Variants in LRIG3 observed in about 807,000 individuals in gnomAD.
LRIG3 encodes leucine rich repeats and immunoglobulin like domains 3, also known as leucine-rich repeats and immunoglobulin-like domains protein 3.
Under a neutral mutation model 114.5 loss-of-function variants are expected in LRIG3, and 76 were observed. The ratio of observed to expected loss-of-function variants is 0.66; its 90% CI spans 0.55 to 0.80. LRIG3 has a LOEUF of 0.80. Among genes scored for constraint, LRIG3 ranks in the 30% least tolerant of loss-of-function variants. The pLI is 0.00. For synonymous variants in LRIG3, 512 were observed against 519.8 expected, an observed-to-expected ratio of 0.98 and a Z score of 0.20; for missense variants, 1,239 against 1,382.8, an observed-to-expected ratio of 0.90 and a Z score of 1.65.
In LRIG3 at chr12:58,872,456, G is replaced by C. The variant is rs569806057; in HGVS notation, c.*116C>G. Reference sequence around the variant, plus strand: ...ATTTTGGTTCATCTGTATAAATAAAGCATTTTTATCCTTTTAAAATTCATA... The same window carrying C: ...ATTTTGGTTCATCTGTATAAATAAACCATTTTTATCCTTTTAAAATTCATA... On this transcript the variant is annotated 3_prime_UTR_variant, in exon 19 of 19. Transcript: ENST00000320743. 3.3e-6 allele frequency: 4 copies of C among 1,207,350 alleles called. No homozygotes were observed. The highest frequency in any genetic ancestry group is 4.4e-6 in the Non-Finnish European group (4 of 917,250). The allele number at this position is 1,207,350 out of a possible 1,614,324, so 74.8% of individuals were successfully genotyped here. A position where few individuals can be genotyped will look rare whatever the true frequency, so the allele number is the denominator to read the frequency against.
At chr12:58,889,708 T>G (rs1362404724) in intron 5 of LRIG3, among the ~76,000 whole-genome samples, 1 of 152,040 alleles carries the variant, frequency 6.6e-6, no homozygotes, top group Non-Finnish European at 1.5e-5. Context: ...GACCTCGGAT[T>G]TTTTCAGTGC....
chr12:58,887,808 G>A lies in LRIG3; in HGVS notation c.1072C>T (p.Leu358Phe). ...SYIADCAFRG[L>F]SSLKTLDLKN... ...ACTTACAAAGTCTTTAAACTGGAAA[G>A]CCCCCGGAAGGCACAATCAGCAATG... Residue 358 changes from leucine to phenylalanine, a missense_variant, in exon 8 of 19, where the codon CTT becomes TTT. Transcript: ENST00000320743. The A allele has an allele frequency of 6.2e-7, 1 of 1,613,578 alleles. No individual in the cohort carries two copies. The highest frequency in any genetic ancestry group is 1.1e-5 in the South Asian group (1 of 91,024).
chr12:58,905,601 T>C (rs768759706), intron 3 of LRIG3, among the ~76,000 whole-genome samples: 2 of 152,232 alleles, frequency 1.3e-5, no homozygotes, highest in African/African-American at 2.4e-5. Context: ...GTCGTACCGA[T>C]AGGCCCTTTA....
intron 3 of LRIG3, among the ~76,000 whole-genome samples, chr12:58,897,571 C>A (rs1472308101): frequency 1.3e-5 from 2 of 152,012 alleles, no homozygotes; most frequent in African/African-American, 4.8e-5. Flanking sequence ...ATTGCAAGAC[C>A]CTGTCTCTTA....
In LRIG3 at chr12:58,890,002, T is replaced by C. The variant is rs1871399294; in HGVS notation, c.653A>G (p.Gln218Arg). 1.2e-6 allele frequency: 2 copies of C among 1,613,264 alleles called. No homozygotes were observed. The highest frequency in any genetic ancestry group is 1.7e-6 in the Non-Finnish European group (2 of 1,179,596). Residue 218 changes from glutamine to arginine, a missense_variant, in exon 5 of 19, where the codon CAA becomes CGA. Gln to Arg is a conservative substitution (Grantham distance 43). Transcript: ENST00000320743. ...AAGAGGACATTTTACTTACAGATGTTGCAGTTGGGGCAGTTTAAACATCTT... is the reference window on the plus strand; with the variant it reads ...AAGAGGACATTTTACTTACAGATGTCGCAGTTGGGGCAGTTTAAACATCTT... ...PPKMFKLPQL[Q>R]HLELNRNKIK...
At chr12:58,911,537 CA>C (rs989521700) in intron 3 of LRIG3, among the ~76,000 whole-genome samples, 23 of 152,198 alleles carry the variant, frequency 1.5e-4, no homozygotes, top group Admixed American at 1.2e-3. Flanking sequence ...AAGATACAAA[CA>C]AAAAACAACC....
chr12:58,874,232 A>T lies in LRIG3; in HGVS notation c.2938T>A (p.Ser980Thr). 2 of 1,614,212 alleles carry T rather than the reference A, an allele frequency of 1.2e-6. No homozygotes were observed. The highest frequency in any genetic ancestry group is 2.2e-5 in the South Asian group (2 of 91,088). The change falls in exon 18 of 19, where the codon TCC (serine) becomes ACC (threonine). Residue 980 changes from serine to threonine, a missense_variant. Ser to Thr is a moderately conservative substitution (Grantham distance 58). Transcript: ENST00000320743. The part of the protein sequence containing the change: ...CYPCSHPSEE[S>T]CERSFSNISW... Reference sequence around the variant, plus strand: ...ATATTACTGAAGCTCCGTTCGCAGGATTCTTCTGAAGGATGAGAACATGGG... The same window carrying T: ...ATATTACTGAAGCTCCGTTCGCAGGTTTCTTCTGAAGGATGAGAACATGGG...
intron 3 of LRIG3, among the ~76,000 whole-genome samples, chr12:58,896,543 A>G (rs1014776298): frequency 1.3e-5 from 2 of 152,238 alleles, no homozygotes; most frequent in Admixed American, 6.5e-5. Context: ...TAGTACACGG[A>G]TAACAGGCAG....
At chr12:58,877,102 T>C (rs571771385) in intron 15 of LRIG3, among the ~76,000 whole-genome samples, 22 of 152,368 alleles carry the variant, frequency 1.4e-4, no homozygotes, top group African/African-American at 5.0e-4. Flanking sequence ...ATTAAAGGGC[T>C]GTTCCTGGTT....
At chr12:58,897,982 G>A (rs565342211) in intron 3 of LRIG3, among the ~76,000 whole-genome samples, 2 of 152,214 alleles carry the variant, frequency 1.3e-5, no homozygotes, top group African/African-American at 4.8e-5. Flanking sequence ...GGGATAAAAC[G>A]AATGGGTACA....
intron 3 of LRIG3, among the ~76,000 whole-genome samples, chr12:58,897,039 A>G (rs764115347): frequency 1.8e-4 from 27 of 152,228 alleles, no homozygotes; most frequent in Admixed American, 9.8e-4. Flanking sequence ...ACACCCCATA[A>G]TATCAGGCAA....
intron 1 of LRIG3, chr12:58,919,374 T>C (rs1872588679): frequency 1.3e-6 from 2 of 1,550,976 alleles, no homozygotes; most frequent in African/African-American, 2.7e-5. Flanking sequence ...AGTTCCGCCC[T>C]TTCCATAGCT....
At position 58,914,311 on chromosome 12, in the gene LRIG3, A is replaced by C. The variant is rs1249899250; in HGVS notation, c.262T>G (p.Phe88Val). 2 of 1,613,908 alleles carry C rather than the reference A, an allele frequency of 1.2e-6. No individual in the cohort carries two copies. Among genetic ancestry groups the C allele is most frequent in the East Asian group, 4.5e-5 (2 of 44,868 alleles). The change falls in exon 2 of 19, where the codon TTC becomes GTC. Residue 88 changes from phenylalanine (F) to valine (V), a missense_variant. Physicochemically the swap from Phe to Val is conservative, Grantham distance 50. Transcript: ENST00000320743. ...RLDLSHNRLS[F>V]IKASSMSHLQ... ...TGGCTCATGGAACTTGCCTTGATGA[A>C]AGATAATCTGTTGTGACTTAAGTCC...
chr12:58,889,940 G>T, intron 5 of LRIG3, 56 bp downstream of exon 5: 9 of 1,568,364 alleles, frequency 5.7e-6, no homozygotes, highest in Non-Finnish European at 6.9e-6. Context: ...TTAAGGAAAA[G>T]ACACCAAGGG....
chr12:58,888,875 A>G lies in LRIG3; in HGVS notation c.747T>C (p.Asn249=). The stretch of plus-strand genomic sequence containing the variant: ...CTCCATCCATAAGTTTCGTTACTCC[A>G]TTTCTTTGCATTTTCAGAGACTTCA... ...GALKSLKMQR[N]GVTKLMDGAF... is the part of the protein sequence containing the mutation. The change falls in exon 6 of 19, where the codon AAT becomes AAC. Residue 249 remains asparagine, a synonymous_variant. Transcript: ENST00000320743. The G allele has an allele frequency of 6.2e-7, 1 of 1,613,820 alleles. No individual in the cohort carries two copies. Among genetic ancestry groups the G allele is most frequent in the Non-Finnish European group, 8.5e-7 (1 of 1,179,832 alleles).
intron 3 of LRIG3, among the ~76,000 whole-genome samples, chr12:58,902,943 C>A (rs1453035374): frequency 6.6e-6 from 1 of 152,088 alleles, no homozygotes; most frequent in Non-Finnish European, 1.5e-5. Context: ...TGTATATGTG[C>A]CACATTTTCT....
intron 1 of LRIG3, 21 bp from the exon 2 acceptor site, chr12:58,914,357 A>G: frequency 1.3e-6 from 2 of 1,582,456 alleles, no homozygotes; most frequent in African/African-American, 2.7e-5. Context: ...ACAAAAATAA[A>G]ATTATAAGTC....
intron 3 of LRIG3, among the ~76,000 whole-genome samples, chr12:58,905,704 G>C (rs1384258497): frequency 6.6e-6 from 1 of 152,154 alleles, no homozygotes; most frequent in Non-Finnish European, 1.5e-5. Flanking sequence ...TATCATGGGA[G>C]TGAGACTGGT....
chr12:58,919,333 C>T, intron 1 of LRIG3: 15 of 1,525,138 alleles, frequency 9.8e-6, no homozygotes, highest in Non-Finnish European at 1.2e-5. Context: ...TGAGGAGCTA[C>T]AGAAATCACG....
Sources: allele counts gnomAD v4.1 joint callset (sites outside exome capture counted in the v4.1 genomes callset), GRCh38; gene constraint gnomAD v4.1.1; transcripts MANE v1.5; gene names NCBI Gene and HGNC (gene_info 2026-07-23, HGNC 2026-07-21).